Variants in NOL4 observed in about 807,000 individuals in gnomAD.
The protein encoded by NOL4 is cancer/testis antigen 125.
NOL4 carries 17 observed loss-of-function variants against 75.9 expected under a neutral mutation model. The observed-to-expected ratio is 0.22, with a 90% CI of 0.15 to 0.34. The LOEUF (loss-of-function observed/expected upper bound fraction) is 0.34. Ranked by LOEUF, NOL4 falls within the 10% of genes least tolerant of loss-of-function variation. The pLI, the probability that NOL4 is intolerant of heterozygous loss-of-function variation, is 1.00. For missense variants in NOL4, 614 were observed against 793.5 expected, an observed-to-expected ratio of 0.77 and a Z score of 2.72; for synonymous variants, 292 against 289.9, an observed-to-expected ratio of 1.01 and a Z score of -0.07.
chr18:34,153,972 T>C (rs2029879666), intron 1 of NOL4, among the ~76,000 whole-genome samples: 1 of 151,938 alleles, frequency 6.6e-6, no homozygotes, highest in South Asian at 2.1e-4. Context: ...CACACAGCCA[T>C]ATGTAGAGCT....
At chr18:34,200,858 G>A (rs2035683588) in intron 1 of NOL4, among the ~76,000 whole-genome samples, 1 of 151,704 alleles carries the variant, frequency 6.6e-6, no homozygotes, top group African/African-American at 2.4e-5. Flanking sequence ...CCATAAGAAA[G>A]ACAATTTTTT....
intron 9 of NOL4, among the ~76,000 whole-genome samples, chr18:33,932,675 C>A: frequency 6.6e-6 from 1 of 151,688 alleles, no homozygotes. Flanking sequence ...ATAAAAAATC[C>A]TATGTGATTG....
chr18:33,900,424 A>G (rs558658395), intron 9 of NOL4, among the ~76,000 whole-genome samples: 2 of 152,306 alleles, frequency 1.3e-5, no homozygotes, highest in East Asian at 3.9e-4. Flanking sequence ...TCCAAACCAT[A>G]TCACTTTCTA....
At chr18:34,062,731 T>A (rs967446844) in intron 5 of NOL4, among the ~76,000 whole-genome samples, 4 of 152,120 alleles carry the variant, frequency 2.6e-5, no homozygotes, top group Non-Finnish European at 5.9e-5. Flanking sequence ...GGCAGGTAGA[T>A]GGAAAATATG....
chr18:34,160,918 T>C (rs1245033338), intron 1 of NOL4, among the ~76,000 whole-genome samples: 1 of 152,202 alleles, frequency 6.6e-6, no homozygotes, highest in African/African-American at 2.4e-5. Context: ...TAGAAGTTAT[T>C]CCTCTTATAT....
At chr18:34,176,807 TTC>T (rs992226501) in intron 1 of NOL4, among the ~76,000 whole-genome samples, 1 of 152,060 alleles carries the variant, frequency 6.6e-6, no homozygotes, top group African/African-American at 2.4e-5. Flanking sequence ...GAAAATTAAT[TTC>T]TGTTTGTTAA....
At chr18:33,967,193 C>A (rs2070673976) in intron 6 of NOL4, among the ~76,000 whole-genome samples, 1 of 152,078 alleles carries the variant, frequency 6.6e-6, no homozygotes, top group Non-Finnish European at 1.5e-5. Flanking sequence ...ACCATCCAAT[C>A]TTCAACAAAA....
intron 5 of NOL4, among the ~76,000 whole-genome samples, chr18:34,029,422 T>C (rs994347713): frequency 6.6e-5 from 10 of 152,176 alleles, no homozygotes; most frequent in African/African-American, 2.4e-4. Flanking sequence ...TAATTAAAAA[T>C]GATACTGGGG....
At chr18:34,213,283 C>A (rs927867700) in intron 1 of NOL4, among the ~76,000 whole-genome samples, 1 of 152,012 alleles carries the variant, frequency 6.6e-6, no homozygotes, top group Admixed American at 6.6e-5. Context: ...TTCTTATTTA[C>A]TTATTTATTT....
chr18:34,146,419 T>C (rs570897373), intron 1 of NOL4, among the ~76,000 whole-genome samples: 2 of 152,064 alleles, frequency 1.3e-5, no homozygotes, highest in African/African-American at 2.4e-5. Context: ...TGTAAGGAAG[T>C]GGTTCAGTTT....
chr18:33,989,045 G>T (rs2072706482), intron 6 of NOL4, among the ~76,000 whole-genome samples: 1 of 151,566 alleles, frequency 6.6e-6, no homozygotes. Context: ...AAATTAGCCA[G>T]GTATAGTGGT....
intron 1 of NOL4, among the ~76,000 whole-genome samples, chr18:34,158,909 AATGT>A (rs1354789571): frequency 6.6e-6 from 1 of 152,184 alleles, no homozygotes; most frequent in Non-Finnish European, 1.5e-5. Context: ...TGAGATACAA[AATGT>A]AGAATGGAAA....
intron 9 of NOL4, among the ~76,000 whole-genome samples, chr18:33,897,498 C>T (rs1296297098): frequency 6.6e-6 from 1 of 152,118 alleles, no homozygotes; most frequent in Non-Finnish European, 1.5e-5. Context: ...TTATCTTTAG[C>T]AAACTAGCAC....
intron 1 of NOL4, among the ~76,000 whole-genome samples, chr18:34,197,038 T>C (rs2035381750): frequency 6.6e-6 from 1 of 151,974 alleles, no homozygotes; most frequent in Admixed American, 6.6e-5. Context: ...TAATGATGAA[T>C]TTATGAAGAT....
chr18:34,079,165 C>G (rs1001418615), intron 5 of NOL4, among the ~76,000 whole-genome samples: 1 of 152,070 alleles, frequency 6.6e-6, no homozygotes, highest in African/African-American at 2.4e-5. Flanking sequence ...ACCTAAATAA[C>G]CATATTTTGT....
At chr18:33,889,493 T>C (rs1205289040) in intron 9 of NOL4, among the ~76,000 whole-genome samples, 1 of 152,098 alleles carries the variant, frequency 6.6e-6, no homozygotes, top group African/African-American at 2.4e-5. Context: ...TCTGAAACTA[T>C]TTCAATCAAT....
chr18:33,928,708 ATT>A (rs1214966606), intron 9 of NOL4, among the ~76,000 whole-genome samples: 8 of 152,192 alleles, frequency 5.3e-5, no homozygotes, highest in African/African-American at 1.9e-4. Context: ...TAAAAAATGC[ATT>A]GTTTGATGAA....
Position 34,158,965 on chromosome 18 carries a change from T to C in NOL4, c.265-28945A>G, listed in dbSNP as rs558693643. Among the ~76,000 whole-genome samples the C allele has an allele frequency of 6.6e-5, 10 of 152,312 alleles. No individual in the cohort carries two copies. The South Asian group carries it at 2.1e-3, about 32-fold the overall frequency. The stretch of plus-strand genomic sequence containing the variant: ...CATGGTAATGGAACAAGGACAAATG[T>C]TGGACGTCTGCCCTCTCACTTCCTG... On this transcript the variant is annotated intron_variant, in intron 1 of 10. Coordinates refer to ENST00000261592, the MANE Select transcript of NOL4 (RefSeq NM_003787.5).
At chr18:33,938,308 T>G (rs2068204511) in intron 9 of NOL4, among the ~76,000 whole-genome samples, 2 of 152,038 alleles carry the variant, frequency 1.3e-5, no homozygotes, top group African/African-American at 4.8e-5. Flanking sequence ...TTAAAAGAGT[T>G]TAATTTAAAA....
Sources: gnomAD v4.1 joint callset for allele counts (sites outside exome capture counted in the v4.1 genomes callset) on GRCh38, gnomAD v4.1.1 for gene constraint, MANE v1.5 for transcripts, NCBI Gene and HGNC (gene_info 2026-07-23, HGNC 2026-07-21) for gene names.